ZDHHC15: variants seen among roughly 807,000 people sequenced by gnomAD.
ZDHHC15 encodes the protein palmitoyltransferase ZDHHC15.
A neutral mutation model predicts 31.7 loss-of-function variants in ZDHHC15; 19 were observed. The observed-to-expected ratio is 0.60, with a 90% CI of 0.42 to 0.88. The LOEUF is 0.88. ZDHHC15 is among the 40% of genes least tolerant of loss of function. The pLI, the probability that ZDHHC15 is intolerant of heterozygous loss-of-function variation, is 0.00. For missense variants in ZDHHC15, 209 were observed against 251.2 expected, an observed-to-expected ratio of 0.83 and a Z score of 1.14; for synonymous variants, 103 against 90.0, an observed-to-expected ratio of 1.14 and a Z score of -0.82.
chrX:75,459,234 C>G (rs1451290083), intron 3 of ZDHHC15, among the ~76,000 whole-genome samples: 1 of 110,562 alleles, frequency 9.0e-6, no homozygotes, highest in Admixed American at 9.7e-5. Flanking sequence ...CCCAGTAGCC[C>G]CAGCAAGGTG....
intron 2 of ZDHHC15, among the ~76,000 whole-genome samples, chrX:75,491,550 C>T (rs1164157913): frequency 9.3e-6 from 1 of 107,940 alleles, no homozygotes; most frequent in Non-Finnish European, 1.9e-5. Context: ...GGGTGCAGCA[C>T]ACCAGCATGG....
At chrX:75,416,759 C>T (rs2083553609) in intron 10 of ZDHHC15, among the ~76,000 whole-genome samples, 1 of 111,319 alleles carries the variant, frequency 9.0e-6, no homozygotes, top group Admixed American at 9.6e-5. Flanking sequence ...CAATGTTGCC[C>T]ATTGATTAAA....
intron 10 of ZDHHC15, among the ~76,000 whole-genome samples, chrX:75,397,972 C>T (rs1256813829): frequency 8.9e-6 from 1 of 112,160 alleles, no homozygotes; most frequent in Non-Finnish European, 1.9e-5. Context: ...TGTGTGGAGA[C>T]ACTGGAGCCT....
chrX:75,416,505 G>A (rs2083550422), intron 10 of ZDHHC15, among the ~76,000 whole-genome samples: 1 of 112,145 alleles, frequency 8.9e-6, no homozygotes, highest in Admixed American at 9.5e-5. Context: ...TACATTATAT[G>A]AGAACTCAAC....
At chrX:75,513,705 A>T (rs1287830958) in intron 1 of ZDHHC15, among the ~76,000 whole-genome samples, 1 of 111,816 alleles carries the variant, frequency 8.9e-6, no homozygotes, top group Non-Finnish European at 1.9e-5. Context: ...TGAAAAAATG[A>T]TGGCTAAAAA....
intron 10 of ZDHHC15, among the ~76,000 whole-genome samples, chrX:75,391,274 G>A (rs903169411): frequency 3.6e-5 from 4 of 111,671 alleles, no homozygotes; most frequent in African/African-American, 1.3e-4. Context: ...TTAAAGAGGA[G>A]GTAGAGAGAA....
intron 7 of ZDHHC15, among the ~76,000 whole-genome samples, chrX:75,425,692 T>C (rs932383727): frequency 3.6e-5 from 4 of 112,010 alleles, no homozygotes; most frequent in African/African-American, 1.3e-4. Flanking sequence ...TATTTCCAAT[T>C]GCTCTCTAGT....
intron 10 of ZDHHC15, among the ~76,000 whole-genome samples, chrX:75,399,707 G>A (rs2083335672): frequency 9.0e-6 from 1 of 111,409 alleles, no homozygotes; most frequent in South Asian, 3.8e-4. Context: ...AGACTAAAGG[G>A]GGAGAGGAAC....
intron 2 of ZDHHC15, among the ~76,000 whole-genome samples, chrX:75,499,789 AAATAAAAT>A (rs1223295434): frequency 9.0e-6 from 1 of 111,575 alleles, no homozygotes; most frequent in African/African-American, 3.2e-5. Flanking sequence ...CTTTGGTTTA[AAATAAAAT>A]AATAAAATAA....
chrX:75,476,277 G>A (rs1004299537), intron 3 of ZDHHC15, among the ~76,000 whole-genome samples: 9 of 109,999 alleles, frequency 8.2e-5, no homozygotes, highest in African/African-American at 3.0e-4. Flanking sequence ...AATTTGGGAA[G>A]GATTGATGTT....
intron 3 of ZDHHC15, among the ~76,000 whole-genome samples, chrX:75,459,473 C>T (rs929100261): frequency 9.0e-6 from 1 of 111,553 alleles, no homozygotes. Context: ...TTCCAGCCTG[C>T]CAGCTTTGGA....
intron 1 of ZDHHC15, among the ~76,000 whole-genome samples, chrX:75,517,408 T>G (rs1444442384): frequency 9.1e-6 from 1 of 109,330 alleles, no homozygotes; most frequent in Non-Finnish European, 1.9e-5. Flanking sequence ...TATGCATCCA[T>G]AAAAAAGGAT....
chrX:75,429,267 A>G (rs1176082345), intron 6 of ZDHHC15, 69 bp from the exon 7 acceptor site: 2 of 1,107,114 alleles, frequency 1.8e-6, no homozygotes, highest in Admixed American at 5.8e-5. Flanking sequence ...ACATAAGTGA[A>G]CTAAGCAATG....
intron 10 of ZDHHC15, among the ~76,000 whole-genome samples, chrX:75,409,263 G>A (rs1209027739): frequency 9.0e-6 from 1 of 110,772 alleles, no homozygotes; most frequent in African/African-American, 3.3e-5. Flanking sequence ...AGACTCAGGT[G>A]GGCAGATCAC....
chrX:75,378,372 T>C (rs1014482339), intron 11 of ZDHHC15, among the ~76,000 whole-genome samples: 3 of 112,026 alleles, frequency 2.7e-5, no homozygotes, highest in Non-Finnish European at 5.6e-5. Flanking sequence ...TTTTATACAA[T>C]ATGTACACTT....
At chrX:75,492,072 G>A (rs772295679) in intron 2 of ZDHHC15, among the ~76,000 whole-genome samples, 2 of 111,133 alleles carry the variant, frequency 1.8e-5, no homozygotes, top group African/African-American at 6.6e-5. Flanking sequence ...ACACATATAG[G>A]CTCAAAATAA....
At chrX:75,492,893 C>T (rs1389018767) in intron 2 of ZDHHC15, among the ~76,000 whole-genome samples, 1 of 111,384 alleles carries the variant, frequency 9.0e-6, no homozygotes, top group Non-Finnish European at 1.9e-5. Context: ...AGAGCAAACA[C>T]ATTCAAAAGC....
intron 4 of ZDHHC15, among the ~76,000 whole-genome samples, chrX:75,433,689 GTGTGTGTGTATATATATA>G (rs2083812294): frequency 8.4e-5 from 1 of 11,962 alleles, no homozygotes; most frequent in African/African-American, 1.1e-4. Context: ...GTGTGTGTGT[GTGTGTGTGTATATATATA>G]TATATATATA....
rs201758247 is a variant in ZDHHC15, at chrX:75,370,523, C to CTTTTTTTT, written c.*2447_*2454dup. Reference sequence around the variant, plus strand: ...CCTGGTAAAACCCTGATTTATTTGGCTTTTTTTTTTTTTTTTTTTTTTTTT... The same window carrying CTTTTTTTT: ...CCTGGTAAAACCCTGATTTATTTGGCTTTTTTTTTTTTTTTTTTTTTTTTTTTTTTTTT... On this transcript the variant is annotated 3_prime_UTR_variant, in exon 12 of 12. Coordinates refer to ENST00000373367, the MANE Select transcript of ZDHHC15 (RefSeq NM_144969.3). 1.2e-5 allele frequency: 1 copy of CTTTTTTTT among 81,285 alleles called. No homozygotes were observed. Among genetic ancestry groups the CTTTTTTTT allele is most frequent in the African/African-American group, 5.2e-5 (1 of 19,111 alleles). The allele number at this position is 81,285 out of a possible 1,213,427, so 6.7% of individuals were successfully genotyped here.
Sources: allele counts gnomAD v4.1 joint callset (sites outside exome capture counted in the v4.1 genomes callset), GRCh38; gene constraint gnomAD v4.1.1; transcripts MANE v1.5; gene names NCBI Gene and HGNC (gene_info 2026-07-23, HGNC 2026-07-21).